Variants in ABCD2 observed in about 807,000 individuals in gnomAD.
ABCD2 encodes the protein ATP binding cassette subfamily D member 2.
A neutral mutation model predicts 70.9 loss-of-function variants in ABCD2; 36 were observed. The ratio of observed to expected loss-of-function variants is 0.51; its 90% confidence interval spans 0.39 to 0.67. ABCD2 has a LOEUF of 0.67. Ranked by LOEUF, ABCD2 falls within the 30% of genes least tolerant of loss-of-function variation. The pLI, the probability that ABCD2 is intolerant of heterozygous loss-of-function variation, is 0.00. For synonymous variants in ABCD2, 304 were observed against 306.9 expected (o/e 0.99, Z 0.10); for missense variants, 729 against 890.2 (o/e 0.82, Z 2.30).
At chr12:39,597,501 A>G (rs545684915) in intron 6 of ABCD2, among the ~76,000 whole-genome samples, 11 of 152,192 alleles carry the variant, frequency 7.2e-5, no homozygotes, top group Non-Finnish European at 1.5e-4. Context: ...AAAGACAGAT[A>G]AACTGCAACA....
intron 7 of ABCD2, among the ~76,000 whole-genome samples, chr12:39,583,642 AT>A (rs1941627020): frequency 6.6e-6 from 1 of 151,910 alleles, no homozygotes; most frequent in Non-Finnish European, 1.5e-5. Context: ...GTACCCAATA[AT>A]TTTCTTTTCT....
At chr12:39,580,840 C>T (rs931529931) in intron 7 of ABCD2, among the ~76,000 whole-genome samples, 37 of 151,974 alleles carry the variant, frequency 2.4e-4, no homozygotes, top group African/African-American at 8.9e-4. Context: ...AAATTTTTAC[C>T]ACTAAATTTT....
chr12:39,536,480 G>T, the ABCD2 span, among the ~76,000 whole-genome samples: 2 of 152,110 alleles, frequency 1.3e-5, no homozygotes, highest in East Asian at 3.8e-4. Context: ...TCATAAACCG[G>T]TTCTTATATT....
intron 6 of ABCD2, 112 bp downstream of exon 6, chr12:39,600,458 GT>G: frequency 9.4e-7 from 1 of 1,062,100 alleles, no homozygotes; most frequent in Non-Finnish European, 1.3e-6. Flanking sequence ...TTCCTTAATA[GT>G]TTCTCTTAAT....
intron 7 of ABCD2, among the ~76,000 whole-genome samples, chr12:39,583,149 C>T (rs577749942): frequency 3.9e-4 from 60 of 152,236 alleles, no homozygotes; most frequent in African/African-American, 1.2e-3. Context: ...TGTGAGCTGC[C>T]GGACGGGGCC....
At chr12:39,539,401 C>T in the ABCD2 span, among the ~76,000 whole-genome samples, 7 of 152,096 alleles carry the variant, frequency 4.6e-5, no homozygotes, top group Non-Finnish European at 8.8e-5. Flanking sequence ...GGGATGGGCC[C>T]GTAAAATCTG....
intron 6 of ABCD2, among the ~76,000 whole-genome samples, chr12:39,596,506 A>G (rs1460362334): frequency 6.6e-6 from 1 of 152,150 alleles, no homozygotes; most frequent in Non-Finnish European, 1.5e-5. Context: ...TCTTTAAAAA[A>G]AGTATTTGAT....
the ABCD2 span, among the ~76,000 whole-genome samples, chr12:39,540,633 A>G: frequency 6.6e-6 from 1 of 152,204 alleles, no homozygotes; most frequent in South Asian, 2.1e-4. Flanking sequence ...TTTGTCATCT[A>G]TTGTATCTAA....
In ABCD2 at chr12:39,551,560, G is replaced by A. The variant is rs534438272; in HGVS notation, c.*2352C>T. ...AGAGATGTTTTCCCTTCCAAGTTAA[G>A]GATGTTGGTCCTGAAAAATAAATTC... is the stretch of plus-strand genomic sequence containing the variant. On this transcript the variant is annotated 3_prime_UTR_variant, in exon 10 of 10. Coordinates refer to ENST00000308666, the MANE Select transcript of ABCD2 (RefSeq NM_005164.4). 6.6e-5 allele frequency: 10 copies of A among 151,808 alleles called. No homozygotes were observed. Among genetic ancestry groups the A allele is most frequent in the African/African-American group, 2.4e-4 (10 of 41,504 alleles). 9.4% of individuals were successfully genotyped at this position (151,808 alleles called of 1,614,324 possible).
the ABCD2 span, among the ~76,000 whole-genome samples, chr12:39,531,674 G>A: frequency 2.6e-5 from 4 of 152,172 alleles, no homozygotes; most frequent in Non-Finnish European, 5.9e-5. Flanking sequence ...GATTATTAAG[G>A]GAGTTCAGTC....
At position 39,573,823 on chromosome 12, in the gene ABCD2, C is replaced by CAGCA; in HGVS notation, c.1892_1895dup (p.Asp633AlafsTer3). ...TGCTGACAGCACTGGTACATTCATC[C>CAGCA]AGCAAGGCATATTTTGGTCTTTTAA... On this transcript the variant is annotated frameshift_variant, in exon 9 of 10. Transcript: ENST00000308666. LOFTEE classifies it high-confidence loss of function. The CAGCA allele has an allele frequency of 6.2e-7, 1 of 1,611,674 alleles. No homozygotes were observed. The highest frequency in any genetic ancestry group is 8.5e-7 in the Non-Finnish European group (1 of 1,178,804).
In ABCD2 at chr12:39,553,798, A is replaced by G. The variant is rs956634104; in HGVS notation, c.*114T>C. On this transcript the variant is annotated 3_prime_UTR_variant, in exon 10 of 10. Transcript: ENST00000308666. ...TTCCTTAATGCTAAAATCTTATAAA[A>G]CATGTCTTGCTGCCTTTTTTTCTCT... 9 of 760,932 alleles carry G rather than the reference A, an allele frequency of 1.2e-5. No individual in the cohort carries two copies. The African/African-American group carries it at 1.2e-4, about 10-fold the overall frequency. The allele number at this position is 760,932 out of a possible 1,614,324, so 47.1% of individuals were successfully genotyped here. A position where few individuals can be genotyped will look rare whatever the true frequency, so the allele number is the denominator to read the frequency against.
intron 2 of ABCD2, among the ~76,000 whole-genome samples, chr12:39,616,503 T>G (rs188353110): frequency 7.0e-4 from 107 of 152,240 alleles, no homozygotes; most frequent in Non-Finnish European, 1.4e-3. Flanking sequence ...AAGCATTCTC[T>G]GAAGCAATAT....
In ABCD2 at chr12:39,553,783, C is replaced by A. The variant is rs1941121504; in HGVS notation, c.*129G>T. The A allele has an allele frequency of 5.8e-6, 4 of 692,556 alleles. No individual in the cohort carries two copies. Among genetic ancestry groups the A allele is most frequent in the Non-Finnish European group, 9.4e-6 (4 of 425,212 alleles). 42.9% of individuals were successfully genotyped at this position (692,556 alleles called of 1,614,324 possible). On this transcript the variant is annotated 3_prime_UTR_variant, in exon 10 of 10. Transcript: ENST00000308666. The stretch of plus-strand genomic sequence containing the variant: ...AGTCAGATCATATACTTCCTTAATG[C>A]TAAAATCTTATAAAACATGTCTTGC...
At chr12:39,573,604 G>T in intron 9 of ABCD2, 112 bp downstream of exon 9, 1 of 1,175,280 alleles carries the variant, frequency 8.5e-7, no homozygotes. Context: ...AGAAATATGG[G>T]TAGAAAATAA....
intron 2 of ABCD2, among the ~76,000 whole-genome samples, chr12:39,614,522 C>T (rs1224814262): frequency 6.6e-6 from 1 of 151,722 alleles, no homozygotes; most frequent in Non-Finnish European, 1.5e-5. Context: ...TTCCCCTTGC[C>T]ATTTCTTTCT....
At chr12:39,578,227 C>A (rs540816329) in intron 8 of ABCD2, among the ~76,000 whole-genome samples, 1 of 152,182 alleles carries the variant, frequency 6.6e-6, no homozygotes, top group African/African-American at 2.4e-5. Context: ...GTAATCCCAG[C>A]ACTTTGGGAG....
intron 9 of ABCD2, among the ~76,000 whole-genome samples, chr12:39,565,446 A>G (rs1052571490): frequency 4.6e-5 from 7 of 152,146 alleles, no homozygotes; most frequent in Non-Finnish European, 7.3e-5. Flanking sequence ...TTATTGGTGT[A>G]TAAGAATGCT....
chr12:39,558,969 A>G (rs547754123), intron 9 of ABCD2, among the ~76,000 whole-genome samples: 18 of 152,266 alleles, frequency 1.2e-4, no homozygotes, highest in African/African-American at 4.3e-4. Context: ...TTTATCAAAC[A>G]GAAGAAAAAA....
Sources: allele counts gnomAD v4.1 joint callset (sites outside exome capture counted in the v4.1 genomes callset), GRCh38; gene constraint gnomAD v4.1.1; transcripts MANE v1.5; gene names NCBI Gene and HGNC (gene_info 2026-07-23, HGNC 2026-07-21).